Variants in ARHGAP10 observed in about 807,000 individuals in gnomAD.
ARHGAP10 encodes Rho GTPase activating protein 10, also known as rho GTPase-activating protein 10.
In ARHGAP10, 87 loss-of-function variants were observed where a neutral mutation model predicts 108.6. The ratio of observed to expected loss-of-function variants is 0.80; its 90% CI spans 0.67 to 0.96. ARHGAP10 has a LOEUF of 0.96. ARHGAP10 is among the 40% of genes least tolerant of loss of function. ARHGAP10 has a pLI of 0.00. For synonymous variants in ARHGAP10, 347 were observed against 341.1 expected (o/e 1.02, Z -0.19); for missense variants, 939 against 954.5 (o/e 0.98, Z 0.21).
chr4:147,945,948 G>A (rs912807141), intron 14 of ARHGAP10, among the ~76,000 whole-genome samples: 8 of 152,186 alleles, frequency 5.3e-5, no homozygotes, highest in African/African-American at 1.7e-4. Context: ...GAATTGAAGA[G>A]GTCTGGCTCC....
rs76385065 is a variant in ARHGAP10 at position 147,784,833 on chromosome 4, TATATTATAAAATATATATTATAA to T, written c.155-37889_155-37867del. Among the ~76,000 whole-genome samples, 431 of 100,298 alleles carry T rather than the reference TATATTATAAAATATATATTATAA, an allele frequency of 4.3e-3. 26 individuals are homozygous for T. Among genetic ancestry groups the T allele is most frequent in the South Asian group, 0.017 (60 of 3,618 alleles). The allele number at this position is 100,298 out of a possible 152,430, so 65.8% of individuals were successfully genotyped here. A position where few individuals can be genotyped will look rare whatever the true frequency, so the allele number is the denominator to read the frequency against. On this transcript the variant is annotated intron_variant, in intron 1 of 22. Transcript: ENST00000336498. ...TATATTATAAAATATATATTATAAA[TATATTATAAAATATATATTATAA>T]ATATATTATAAAATATATATTATAA...
intron 19 of ARHGAP10, among the ~76,000 whole-genome samples, chr4:148,042,557 C>T (rs1481864867): frequency 1.3e-5 from 2 of 152,148 alleles, no homozygotes; most frequent in Admixed American, 6.6e-5. Flanking sequence ...TAATTTCTTC[C>T]CTTTCCTGTT....
At chr4:147,779,907 G>T (rs1206365142) in intron 1 of ARHGAP10, among the ~76,000 whole-genome samples, 1 of 152,116 alleles carries the variant, frequency 6.6e-6, no homozygotes, top group African/African-American at 2.4e-5. Context: ...CCATTTCACT[G>T]TAATTTTCCC....
intron 3 of ARHGAP10, among the ~76,000 whole-genome samples, chr4:147,837,247 A>G (rs78644428): frequency 0.03 from 4,546 of 152,240 alleles, 218 homozygotes; most frequent in African/African-American, 0.1. Context: ...TTAATTGATA[A>G]TGAATTGGTT....
rs1243547486 is a variant in ARHGAP10, at chr4:148,046,984, C to G, written c.1960C>G (p.Pro654Ala). 1.2e-6 allele frequency: 2 copies of G among 1,614,126 alleles called. No homozygotes were observed. The highest frequency in any genetic ancestry group is 2.7e-5 in the African/African-American group (2 of 75,050). ...PSPVTTAVPG[P>A]PGPDKNHLLA... ...TCCCGTGACTACAGCTGTCCCTGGG[C>G]CTCCTGGACCAGACAAAAACCACCT... The change falls in exon 20 of 23, where the codon CCT becomes GCT. Residue 654 changes from proline (P) to alanine (A), a missense_variant. Coordinates refer to ENST00000336498, the MANE Select transcript of ARHGAP10 (RefSeq NM_024605.4).
intron 1 of ARHGAP10, among the ~76,000 whole-genome samples, chr4:147,759,322 C>T (rs1682766405): frequency 6.6e-6 from 1 of 152,114 alleles, no homozygotes; most frequent in Non-Finnish European, 1.5e-5. Flanking sequence ...AGGAAACTGC[C>T]AGAATGAATT....
chr4:147,822,852 T>G, intron 2 of ARHGAP10, 30 bp downstream of exon 2: 2 of 1,613,996 alleles, frequency 1.2e-6, no homozygotes, highest in Non-Finnish European at 1.7e-6. Context: ...TGGTTTGTTT[T>G]CCTTTGCCAT....
chr4:147,757,276 C>T (rs541982219), intron 1 of ARHGAP10, among the ~76,000 whole-genome samples: 237 of 148,714 alleles, frequency 1.6e-3, no homozygotes, highest in Non-Finnish European at 2.4e-4. Flanking sequence ...CTCACTGCAA[C>T]CTCTGCCTCC....
intron 8 of ARHGAP10, among the ~76,000 whole-genome samples, chr4:147,878,352 C>T (rs1441615822): frequency 6.6e-6 from 1 of 152,194 alleles, no homozygotes; most frequent in East Asian, 1.9e-4. Flanking sequence ...GCCTTGGCCT[C>T]CCAAAGTGCT....
intron 8 of ARHGAP10, 74 bp downstream of exon 8, chr4:147,875,224 A>G (rs1397080991): frequency 7.7e-6 from 11 of 1,430,010 alleles, no homozygotes; most frequent in African/African-American, 5.8e-5. Flanking sequence ...TATTCTTGCC[A>G]TTACTGTGAC....
At chr4:147,889,931 GC>G (rs1272789424) in intron 10 of ARHGAP10, among the ~76,000 whole-genome samples, 1 of 152,194 alleles carries the variant, frequency 6.6e-6, no homozygotes, top group Non-Finnish European at 1.5e-5. Flanking sequence ...TGTTTGGGAA[GC>G]CCAGAGGTTG....
chr4:147,772,854 G>C (rs933426625), intron 1 of ARHGAP10, among the ~76,000 whole-genome samples: 7 of 152,080 alleles, frequency 4.6e-5, no homozygotes, highest in African/African-American at 1.2e-4. Context: ...AGCTATTCTT[G>C]GTGGGGTGGA....
At chr4:147,816,629 T>C (rs6535563) in intron 1 of ARHGAP10, among the ~76,000 whole-genome samples, 142,782 of 152,316 alleles carry the variant, frequency 0.94, 67,134 homozygotes, top group East Asian at 0.99. Flanking sequence ...AACCTAGCCC[T>C]GTGATGCATT....
chr4:147,765,265 A>G (rs1729748881), intron 1 of ARHGAP10, among the ~76,000 whole-genome samples: 1 of 150,148 alleles, frequency 6.7e-6, no homozygotes, highest in Admixed American at 6.7e-5. Context: ...AGGTGTTTCC[A>G]ATATCATACC....
intron 9 of ARHGAP10, among the ~76,000 whole-genome samples, chr4:147,880,809 G>T (rs550039383): frequency 6.6e-6 from 1 of 152,054 alleles, no homozygotes; most frequent in Non-Finnish European, 1.5e-5. Context: ...TAGGGTTATC[G>T]GTGTACTTTT....
At chr4:147,770,972 T>A (rs1480565574) in intron 1 of ARHGAP10, among the ~76,000 whole-genome samples, 1 of 152,180 alleles carries the variant, frequency 6.6e-6, no homozygotes, top group Non-Finnish European at 1.5e-5. Flanking sequence ...CCTCTGTGCC[T>A]GTATCTTTGT....
At chr4:148,005,221 G>A (rs1740899164) in intron 18 of ARHGAP10, among the ~76,000 whole-genome samples, 1 of 152,264 alleles carries the variant, frequency 6.6e-6, no homozygotes, top group South Asian at 2.1e-4. Flanking sequence ...TAGGCATTCA[G>A]TTAGTGTGTG....
rs1446451060 is a variant in ARHGAP10, at chr4:148,063,280, A to G, written c.2160A>G (p.Val720=). 6.2e-7 allele frequency: 1 copy of G among 1,613,944 alleles called. No individual in the cohort carries two copies. Among genetic ancestry groups the G allele is most frequent in the Non-Finnish European group, 8.5e-7 (1 of 1,180,030 alleles). Residue 720 remains valine, a synonymous_variant, in exon 21 of 23, where the codon GTA becomes GTG. Coordinates refer to ENST00000336498, the MANE Select transcript of ARHGAP10 (RefSeq NM_024605.4). ...SPFPFSPPAT[V]ADKPPESIRS... ...TCCCCTTTTCTCCTCCTGCTACTGTAGCGGACAAGCCACCTGAAAGGTACG... is the reference window on the plus strand; with the variant it reads ...TCCCCTTTTCTCCTCCTGCTACTGTGGCGGACAAGCCACCTGAAAGGTACG...
intron 22 of ARHGAP10, among the ~76,000 whole-genome samples, chr4:148,066,319 C>A (rs1729873622): frequency 6.6e-6 from 1 of 152,210 alleles, no homozygotes; most frequent in Admixed American, 6.5e-5. Flanking sequence ...CACATGCTTA[C>A]CCTACATCCA....
Sources: allele counts gnomAD v4.1 joint callset (sites outside exome capture counted in the v4.1 genomes callset), GRCh38; gene constraint gnomAD v4.1.1; transcripts MANE v1.5; gene names NCBI Gene and HGNC (gene_info 2026-07-23, HGNC 2026-07-21).